Variants in ITGAV observed in about 807,000 individuals in gnomAD.
The protein encoded by ITGAV is integrin alpha-V.
Under a neutral mutation model 143.8 loss-of-function variants are expected in ITGAV, and 76 were observed. The observed-to-expected ratio is 0.53, with a 90% confidence interval of 0.44 to 0.64. ITGAV has a LOEUF of 0.64. Among genes scored for constraint, ITGAV ranks in the 30% least tolerant of loss-of-function variants. The pLI is 0.00. For synonymous variants in ITGAV, 453 were observed against 446.7 expected (o/e 1.01, Z -0.18); for missense variants, 1,193 against 1,274.7 (o/e 0.94, Z 0.98).
chr2:186,642,381 CTTG>C (rs3841855), intron 12 of ITGAV, among the ~76,000 whole-genome samples: 42,867 of 151,656 alleles, frequency 0.28, 6,694 homozygotes, highest in Non-Finnish European at 0.36. Flanking sequence ...ATACAGATGA[CTTG>C]TTGTATGTCT....
intron 2 of ITGAV, among the ~76,000 whole-genome samples, chr2:186,616,283 T>A (rs1315670846): frequency 8.4e-5 from 12 of 142,342 alleles, no homozygotes; most frequent in Admixed American, 7.0e-4. Context: ...ATTTTTTTTT[T>A]TTTTTTTTTT....
chr2:186,631,995 C>T (rs1387449649), intron 5 of ITGAV, among the ~76,000 whole-genome samples: 1 of 152,138 alleles, frequency 6.6e-6, no homozygotes, highest in Non-Finnish European at 1.5e-5. Flanking sequence ...CCACTGCATT[C>T]CAGCCTGGGC....
chr2:186,597,007 C>G (rs1686766035), intron 1 of ITGAV, among the ~76,000 whole-genome samples: 1 of 152,124 alleles, frequency 6.6e-6, no homozygotes, highest in African/African-American at 2.4e-5. Flanking sequence ...AGCATTTCAC[C>G]AGTATGCAAG....
chr2:186,663,712 C>A, intron 18 of ITGAV, 56 bp from the exon 19 acceptor site: 1 of 1,238,198 alleles, frequency 8.1e-7, no homozygotes, highest in Non-Finnish European at 1.2e-6. Flanking sequence ...ATAAACACTG[C>A]TTATGCCACC....
intron 26 of ITGAV, among the ~76,000 whole-genome samples, chr2:186,670,833 T>G (rs943970932): frequency 1.3e-5 from 2 of 152,212 alleles, no homozygotes; most frequent in Non-Finnish European, 2.9e-5. Context: ...TAGAAACTGC[T>G]TTTAAATATC....
chr2:186,675,965 C>G, intron 28 of ITGAV, 38 bp downstream of exon 28: 1 of 1,066,256 alleles, frequency 9.4e-7, no homozygotes, highest in Non-Finnish European at 1.4e-6. Context: ...TAAATTTACT[C>G]AATTCAAATG....
chr2:186,639,842 C>T (rs1168382887), intron 10 of ITGAV, among the ~76,000 whole-genome samples: 1 of 152,174 alleles, frequency 6.6e-6, no homozygotes, highest in Non-Finnish European at 1.5e-5. Context: ...TTTACACTTC[C>T]AAGCCAAACA....
In ITGAV at chr2:186,612,369, ATT is replaced by A. The variant is rs546219169; in HGVS notation, c.317-9956_317-9955del. On this transcript the variant is annotated intron_variant, in intron 2 of 29. Coordinates refer to ENST00000261023, the MANE Select transcript of ITGAV (RefSeq NM_002210.5). ...AAATGAAGGCTTACCTACCTGTTTAATTTTTTTTTTTTTTTAAAGGAGAAGCT... is the reference window on the plus strand; with the variant it reads ...AAATGAAGGCTTACCTACCTGTTTAATTTTTTTTTTTTTAAAGGAGAAGCT... Among the ~76,000 whole-genome samples the A allele has an allele frequency of 3.4e-3, 492 of 146,468 alleles. 7 individuals carry two copies. The highest frequency in any genetic ancestry group is 0.012 in the African/African-American group (460 of 39,948).
intron 2 of ITGAV, among the ~76,000 whole-genome samples, chr2:186,606,532 C>A (rs113937517): frequency 1.4e-4 from 21 of 152,134 alleles, no homozygotes; most frequent in African/African-American, 4.6e-4. Flanking sequence ...TGTCGCTATT[C>A]CTCCCTTTTG....
chr2:186,669,605 T>A, intron 25 of ITGAV, 96 bp from the exon 26 acceptor site: 2 of 793,542 alleles, frequency 2.5e-6, no homozygotes, highest in Non-Finnish European at 4.1e-6. Context: ...TTTCATTCAC[T>A]ATTTTTTAAT....
intron 12 of ITGAV, among the ~76,000 whole-genome samples, chr2:186,643,881 TTTATTA>T (rs1437903455): frequency 1.4e-4 from 22 of 152,328 alleles, no homozygotes; most frequent in African/African-American, 5.1e-4. Context: ...ACAGATAATT[TTTATTA>T]AACAGTCACT....
chr2:186,662,165 TG>T (rs1559065264), intron 18 of ITGAV, among the ~76,000 whole-genome samples: 3 of 152,306 alleles, frequency 2.0e-5, no homozygotes, highest in Admixed American at 6.5e-5. Flanking sequence ...ACATTCTAAC[TG>T]GGAATGTTAT....
chr2:186,652,007 G>A lies in ITGAV; in HGVS notation c.1423G>A (p.Ala475Thr). The change falls in exon 15 of 30, where the codon GCT becomes ACT. Residue 475 changes from alanine to threonine, a missense_variant. Coordinates refer to ENST00000261023, the MANE Select transcript of ITGAV (RefSeq NM_002210.5). ...GGCCAGACCAGTTATCACTGTAAATGCTGGTCTTGAAGTGTACCCTAGCAT... is the reference window on the plus strand; with the variant it reads ...GGCCAGACCAGTTATCACTGTAAATACTGGTCTTGAAGTGTACCCTAGCAT... ...YRARPVITVN[A>T]GLEVYPSILN... 1.9e-6 allele frequency: 3 copies of A among 1,612,226 alleles called. No homozygotes were observed. The highest frequency in any genetic ancestry group is 1.1e-5 in the South Asian group (1 of 90,938).
intron 4 of ITGAV, among the ~76,000 whole-genome samples, chr2:186,627,977 G>T (rs1687719462): frequency 6.6e-6 from 1 of 152,126 alleles, no homozygotes; most frequent in South Asian, 2.1e-4. Context: ...GGCCTAAATT[G>T]TGAGGGGCAT....
intron 2 of ITGAV, among the ~76,000 whole-genome samples, chr2:186,603,203 TA>T (rs1686962862): frequency 6.6e-6 from 1 of 152,226 alleles, no homozygotes; most frequent in South Asian, 2.1e-4. Context: ...ACAATAGTCT[TA>T]CAAAATTTTT....
At chr2:186,675,410 G>C (rs1166670306) in intron 26 of ITGAV, among the ~76,000 whole-genome samples, 194 bp from the exon 27 acceptor site, 1 of 152,022 alleles carries the variant, frequency 6.6e-6, no homozygotes. Context: ...AGAAGAAAAA[G>C]AAAAGAAACA....
In ITGAV at chr2:186,640,907, T is replaced by G. The variant is rs778678265; in HGVS notation, c.904-8T>G. The G allele has an allele frequency of 6.3e-7, 1 of 1,584,682 alleles. No homozygotes were observed. Among genetic ancestry groups the G allele is most frequent in the Admixed American group, 1.7e-5 (1 of 58,446 alleles). On this transcript the variant is annotated splice_polypyrimidine_tract_variant and splice_region_variant and intron_variant, in intron 10 of 29. Coordinates refer to ENST00000261023, the MANE Select transcript of ITGAV (RefSeq NM_002210.5). ...ATATAAACATTTCATTTTCATCTTT[T>G]TATCCAGATGGCTGCATATTTCGGA... is the stretch of plus-strand genomic sequence containing the variant.
At chr2:186,672,983 C>A (rs1209815371) in intron 26 of ITGAV, among the ~76,000 whole-genome samples, 3 of 152,114 alleles carry the variant, frequency 2.0e-5, no homozygotes, top group African/African-American at 7.2e-5. Context: ...TTTTTAAAAC[C>A]ATTGCCCAAT....
chr2:186,627,266 T>C (rs960607881), intron 4 of ITGAV, among the ~76,000 whole-genome samples: 21 of 152,176 alleles, frequency 1.4e-4, no homozygotes, highest in Admixed American at 1.4e-3. Context: ...TCAGGATACA[T>C]ATAGAGTAAG....
Sources: allele counts gnomAD v4.1 joint callset (sites outside exome capture counted in the v4.1 genomes callset), GRCh38; gene constraint gnomAD v4.1.1; transcripts MANE v1.5; gene names NCBI Gene and HGNC (gene_info 2026-07-23, HGNC 2026-07-21).